Variants in SDK1 observed in about 807,000 individuals in gnomAD.
The protein encoded by SDK1 is protein sidekick-1.
A neutral mutation model predicts 245.5 loss-of-function variants in SDK1; 157 were observed. The ratio of observed to expected loss-of-function variants is 0.64; its 90% CI spans 0.56 to 0.73. The LOEUF (loss-of-function observed/expected upper bound fraction) is 0.73, where lower values mean the gene tolerates loss of function less well. Ranked by LOEUF, SDK1 falls within the 30% of genes least tolerant of loss-of-function variation. The probability of loss-of-function intolerance (pLI) is 0.00; values close to 1 mark genes in which losing one functional copy is unlikely to be tolerated. For missense variants in SDK1, 3,583 were observed against 3,002.3 expected, an observed-to-expected ratio of 1.19 and a Z score of -4.52; for synonymous variants, 1,647 against 1,278.5, an observed-to-expected ratio of 1.29 and a Z score of -6.15.
intron 1 of SDK1, among the ~76,000 whole-genome samples, chr7:3,429,923 C>T (rs1041918936): frequency 2.0e-5 from 3 of 152,180 alleles, no homozygotes; most frequent in African/African-American, 7.2e-5. Flanking sequence ...TAGAGATGTG[C>T]ATGTAAAATA....
At chr7:3,879,338 C>CA (rs1311657029) in intron 5 of SDK1, among the ~76,000 whole-genome samples, 5 of 152,262 alleles carry the variant, frequency 3.3e-5, no homozygotes, top group Middle Eastern at 3.4e-3. Context: ...ATTACCCTTG[C>CA]AGTTACTAGA....
At chr7:4,068,033 C>T (rs1216362286) in intron 20 of SDK1, 97 bp downstream of exon 20, 8 of 825,740 alleles carry the variant, frequency 9.7e-6, no homozygotes, top group South Asian at 6.5e-5. Context: ...AGCATGGACC[C>T]GTGCCCATGG....
rs112624190 is a variant in SDK1, at chr7:4,113,275, G to T, written c.3435-14G>T. On this transcript the variant is annotated splice_polypyrimidine_tract_variant and intron_variant, in intron 23 of 44. Transcript: ENST00000404826. The stretch of plus-strand genomic sequence containing the variant: ...TTGCTTTGCCGTGACTCTCATCAGT[G>T]GTTTTTCCTTTAGATTTCGAATGAA... 3 of 1,611,394 alleles carry T rather than the reference G, an allele frequency of 1.9e-6. No individual in the cohort carries two copies. Among genetic ancestry groups the T allele is most frequent in the South Asian group, 1.1e-5 (1 of 90,744 alleles).
chr7:4,245,813 T>TCGGTGCCTACTTC lies in SDK1; in HGVS notation c.6381+12_6381+24dup, dbSNP rs1786816388. On this transcript the variant is annotated intron_variant, in intron 44 of 44. Coordinates refer to ENST00000404826, the MANE Select transcript of SDK1 (RefSeq NM_152744.4). The stretch of plus-strand genomic sequence containing the variant: ...GATGCATCAGAATCTGAGGTCAGTG[T>TCGGTGCCTACTTC]CGGTGCCTACTTCCGGGCAGTGACC... 1 of 1,613,510 alleles carries TCGGTGCCTACTTC rather than the reference T, an allele frequency of 6.2e-7. No individual in the cohort carries two copies.
intron 5 of SDK1, among the ~76,000 whole-genome samples, chr7:3,867,633 A>C (rs1402880947): frequency 6.6e-6 from 1 of 152,186 alleles, no homozygotes; most frequent in Non-Finnish European, 1.5e-5. Context: ...CAACAGCAGC[A>C]TGAGAAAGAC....
chr7:3,410,576 ATC>A (rs1363200980), intron 1 of SDK1, among the ~76,000 whole-genome samples: 14 of 123,152 alleles, frequency 1.1e-4, no homozygotes, highest in African/African-American at 5.1e-4. Context: ...GTGAAATGAT[ATC>A]TTTTTTTTTT....
intron 1 of SDK1, among the ~76,000 whole-genome samples, chr7:3,545,108 A>G (rs927138571): frequency 1.3e-5 from 2 of 152,102 alleles, no homozygotes; most frequent in Non-Finnish European, 2.9e-5. Flanking sequence ...TTGGCACCAC[A>G]TGTTACAGAG....
intron 35 of SDK1, among the ~76,000 whole-genome samples, chr7:4,196,305 T>C (rs375210143): frequency 3.9e-4 from 59 of 152,270 alleles, no homozygotes; most frequent in African/African-American, 1.3e-3. Context: ...GCCTGTGACC[T>C]TGCAGGAGCT....
chr7:3,742,484 G>A (rs1005124707), intron 4 of SDK1, among the ~76,000 whole-genome samples: 8 of 152,160 alleles, frequency 5.3e-5, no homozygotes, highest in African/African-American at 1.9e-4. Context: ...ACCAGCCCTA[G>A]GAGCCAGCCA....
chr7:4,227,261 G>A (rs1785499029), intron 40 of SDK1: 1 of 414,004 alleles, frequency 2.4e-6, no homozygotes. Context: ...TGTGCTGCTT[G>A]TCTTTCTCAT....
intron 4 of SDK1, among the ~76,000 whole-genome samples, chr7:3,676,181 C>G (rs1434581070): frequency 6.6e-6 from 1 of 151,372 alleles, no homozygotes; most frequent in Non-Finnish European, 1.5e-5. Flanking sequence ...TGCCACCTGG[C>G]TAAATTTTGT....
At chr7:3,650,202 A>C (rs1462292502) in intron 4 of SDK1, among the ~76,000 whole-genome samples, 2 of 152,124 alleles carry the variant, frequency 1.3e-5, no homozygotes, top group African/African-American at 4.8e-5. Flanking sequence ...GGTGTGAGTC[A>C]CCATCCCTGG....
intron 4 of SDK1, among the ~76,000 whole-genome samples, chr7:3,731,700 T>C (rs1003924871): frequency 6.6e-6 from 1 of 152,218 alleles, no homozygotes; most frequent in Non-Finnish European, 1.5e-5. Context: ...CAATACAGCA[T>C]GTTCAGAAGA....
At chr7:3,849,165 C>A (rs1029486894) in intron 5 of SDK1, among the ~76,000 whole-genome samples, 2 of 152,212 alleles carry the variant, frequency 1.3e-5, no homozygotes, top group Non-Finnish European at 2.9e-5. Flanking sequence ...CACCCCTCCT[C>A]TGCTGGACTG....
At chr7:3,871,324 T>C (rs1262694836) in intron 5 of SDK1, among the ~76,000 whole-genome samples, 1 of 152,222 alleles carries the variant, frequency 6.6e-6, no homozygotes, top group African/African-American at 2.4e-5. Context: ...TCACAGATTC[T>C]GTGGGAGTTT....
rs186880852 is a variant in SDK1, at chr7:3,856,262, T to G, written c.847+34679T>G. Among the ~76,000 whole-genome samples, 24 of 152,176 alleles carry G rather than the reference T, an allele frequency of 1.6e-4. 1 individual carries two copies. The East Asian group carries it at 4.4e-3, about 28-fold the overall frequency. On this transcript the variant is annotated intron_variant, in intron 5 of 44. Coordinates refer to ENST00000404826, the MANE Select transcript of SDK1 (RefSeq NM_152744.4). ...AGTAGAAGAATAGAAACTGAATTCA[T>G]GACTTCCAAACTACTGGAGAAAAAA... is the stretch of plus-strand genomic sequence containing the variant.
At chr7:3,320,977 C>G (rs1779788061) in intron 1 of SDK1, among the ~76,000 whole-genome samples, 1 of 152,042 alleles carries the variant, frequency 6.6e-6, no homozygotes, top group Non-Finnish European at 1.5e-5. Flanking sequence ...CCTGTATACT[C>G]CAGACACAAT....
chr7:4,265,499 T>G lies in SDK1; in HGVS notation c.*115T>G. ...AAGTTTTTGTTTAAAAAGAAAAAAA[T>G]CTGATAAGTGATGATTTTACCTACT... On this transcript the variant is annotated 3_prime_UTR_variant, in exon 45 of 45. Transcript: ENST00000404826. 1 of 1,372,910 alleles carries G rather than the reference T, an allele frequency of 7.3e-7. No homozygotes were observed. The highest frequency in any genetic ancestry group is 2.9e-5 in the East Asian group (1 of 34,260). The allele number at this position is 1,372,910 out of a possible 1,614,324, so 85.0% of individuals were successfully genotyped here.
At chr7:3,449,896 C>G (rs973107332) in intron 1 of SDK1, among the ~76,000 whole-genome samples, 4 of 152,152 alleles carry the variant, frequency 2.6e-5, no homozygotes, top group African/African-American at 9.7e-5. Context: ...CATTGCAGAA[C>G]TGTTTATTAA....
Sources: allele counts gnomAD v4.1 joint callset (sites outside exome capture counted in the v4.1 genomes callset), GRCh38; gene constraint gnomAD v4.1.1; transcripts MANE v1.5; gene names NCBI Gene and HGNC (gene_info 2026-07-23, HGNC 2026-07-21).